ERC2: variants seen among roughly 807,000 people sequenced by gnomAD.
ERC2 encodes the protein ERC protein 2.
Under a neutral mutation model 114.8 loss-of-function variants are expected in ERC2, and 42 were observed. The observed-to-expected ratio is 0.37, with a 90% CI of 0.29 to 0.47. The LOEUF (loss-of-function observed/expected upper bound fraction) is 0.47. ERC2 is among the 20% of genes least tolerant of loss of function. The pLI is 0.99. For missense variants in ERC2, 939 were observed against 1,150.7 expected, an observed-to-expected ratio of 0.82 and a Z score of 2.66; for synonymous variants, 454 against 425.5, an observed-to-expected ratio of 1.07 and a Z score of -0.82.
intron 3 of ERC2, among the ~76,000 whole-genome samples, chr3:56,223,094 T>TC (rs35861952): frequency 6.6e-6 from 1 of 152,176 alleles, no homozygotes; most frequent in East Asian, 1.9e-4. Context: ...TTTAACCACT[T>TC]CCCTCCCAAA....
chr3:56,329,930 T>G (rs1435740451), intron 2 of ERC2, among the ~76,000 whole-genome samples: 1 of 150,384 alleles, frequency 6.6e-6, no homozygotes, highest in African/African-American at 2.5e-5. Context: ...CCAATATACA[T>G]ATATATTTCA....
intron 17 of ERC2, among the ~76,000 whole-genome samples, chr3:55,528,046 A>T (rs772641652): frequency 6.6e-5 from 10 of 152,194 alleles, no homozygotes; most frequent in Non-Finnish European, 1.3e-4. Context: ...TAATATGTAC[A>T]TGAAAGGGCT....
chr3:56,286,237 A>T (rs1238938613), intron 3 of ERC2, among the ~76,000 whole-genome samples: 1 of 152,010 alleles, frequency 6.6e-6, no homozygotes, highest in Non-Finnish European at 1.5e-5. Flanking sequence ...AACATGGAGA[A>T]ACCTCGTCTC....
chr3:55,796,652 TG>T (rs2070523007), intron 14 of ERC2, among the ~76,000 whole-genome samples: 1 of 152,194 alleles, frequency 6.6e-6, no homozygotes, highest in African/African-American at 2.4e-5. Flanking sequence ...TCTTGACTCC[TG>T]ACCTCAAGTG....
At chr3:56,379,787 G>T (rs1361634512) in intron 2 of ERC2, among the ~76,000 whole-genome samples, 1 of 152,176 alleles carries the variant, frequency 6.6e-6, no homozygotes, top group African/African-American at 2.4e-5. Context: ...CACCTACAAG[G>T]TAAGGAAGGG....
At chr3:56,435,705 A>G (rs1022034208) in intron 1 of ERC2, among the ~76,000 whole-genome samples, 1 of 152,224 alleles carries the variant, frequency 6.6e-6, no homozygotes, top group Admixed American at 6.5e-5. Context: ...TCTTCTCAAC[A>G]CAACACTCTA....
chr3:56,148,892 A>G (rs2149949073), intron 5 of ERC2, 85 bp downstream of exon 5: 3 of 1,222,908 alleles, frequency 2.5e-6, no homozygotes, highest in South Asian at 1.5e-5. Flanking sequence ...AGCATATTAT[A>G]TGGAGTATTT....
At chr3:56,190,904 G>T (rs866264656) in intron 3 of ERC2, among the ~76,000 whole-genome samples, 18 of 152,110 alleles carry the variant, frequency 1.2e-4, no homozygotes, top group Admixed American at 2.6e-4. Context: ...TTATGTAATA[G>T]TATGACCCAA....
At chr3:55,755,885 T>A (rs12107879) in intron 14 of ERC2, among the ~76,000 whole-genome samples, 26,552 of 152,116 alleles carry the variant, frequency 0.17, 2,374 homozygotes, top group Middle Eastern at 0.24. Flanking sequence ...AATTTCAATC[T>A]TTTGAAACCC....
intron 14 of ERC2, among the ~76,000 whole-genome samples, chr3:55,811,595 C>T (rs2059722723): frequency 6.6e-6 from 1 of 152,198 alleles, no homozygotes; most frequent in South Asian, 2.1e-4. Context: ...TTTCTTGCCA[C>T]CTAGCCTTTG....
At chr3:55,913,183 G>A (rs2064910406) in intron 13 of ERC2, among the ~76,000 whole-genome samples, 1 of 152,052 alleles carries the variant, frequency 6.6e-6, no homozygotes, top group Non-Finnish European at 1.5e-5. Flanking sequence ...GTCTTGCTAT[G>A]TTGTCCAGTC....
intron 12 of ERC2, among the ~76,000 whole-genome samples, chr3:55,975,808 T>G (rs1157624432): frequency 6.6e-6 from 1 of 152,214 alleles, no homozygotes; most frequent in African/African-American, 2.4e-5. Flanking sequence ...GCCCCGTTTC[T>G]TCTGAGCATG....
At chr3:55,715,540 A>G (rs1193997693) in intron 15 of ERC2, among the ~76,000 whole-genome samples, 1 of 152,194 alleles carries the variant, frequency 6.6e-6, no homozygotes, top group Non-Finnish European at 1.5e-5. Context: ...GTGGATTAAA[A>G]AGCATAATTA....
In ERC2 at chr3:55,883,596, G is replaced by C. The variant is rs557569115; in HGVS notation, c.2564+4793C>G. On this transcript the variant is annotated intron_variant, in intron 14 of 17. Transcript: ENST00000288221. ...AGTGCATGTAAAACTGGATAAATTGGAATAATGTTAAGGCCGGGTGCAGTG... is the reference window on the plus strand; with the variant it reads ...AGTGCATGTAAAACTGGATAAATTGCAATAATGTTAAGGCCGGGTGCAGTG... 2.5e-4 allele frequency among the ~76,000 whole-genome samples: 38 copies of C among 151,522 alleles called. 1 individual carries two copies. The highest frequency in any genetic ancestry group is 3.4e-3 in the Middle Eastern group (1 of 294).
chr3:55,894,984 C>A (rs530883731), intron 13 of ERC2, among the ~76,000 whole-genome samples: 38 of 152,298 alleles, frequency 2.5e-4, no homozygotes, highest in Admixed American at 6.5e-4. Context: ...CACATATACC[C>A]CTGGACTGCC....
chr3:55,954,859 T>A (rs933214715), intron 12 of ERC2, among the ~76,000 whole-genome samples: 2 of 151,638 alleles, frequency 1.3e-5, no homozygotes, highest in Non-Finnish European at 2.9e-5. Flanking sequence ...TATATATATA[T>A]AAATAATATA....
chr3:56,359,326 T>C (rs973141218), intron 2 of ERC2, among the ~76,000 whole-genome samples: 1 of 152,050 alleles, frequency 6.6e-6, no homozygotes, highest in Non-Finnish European at 1.5e-5. Context: ...AGCTTAGAAA[T>C]AAGATCAGGA....
At chr3:56,408,566 C>G (rs2060817090) in intron 2 of ERC2, among the ~76,000 whole-genome samples, 1 of 152,186 alleles carries the variant, frequency 6.6e-6, no homozygotes, top group South Asian at 2.1e-4. Context: ...AGAGCCATCA[C>G]TCATCCATTC....
chr3:55,892,792 T>C (rs555000011), intron 13 of ERC2, among the ~76,000 whole-genome samples: 1 of 152,282 alleles, frequency 6.6e-6, no homozygotes, highest in African/African-American at 2.4e-5. Context: ...GTAATTAAAT[T>C]GTCTTTTGGA....
Sources: allele counts gnomAD v4.1 joint callset (sites outside exome capture counted in the v4.1 genomes callset), GRCh38; gene constraint gnomAD v4.1.1; transcripts MANE v1.5; gene names NCBI Gene and HGNC (gene_info 2026-07-23, HGNC 2026-07-21).